The following MAGI1 variants were observed in gnomAD, a reference collection of about 807,000 sequenced individuals.
MAGI1 encodes membrane associated guanylate kinase, WW and PDZ domain containing 1.
In MAGI1, 58 loss-of-function variants were observed where a neutral mutation model predicts 139.9. The observed-to-expected ratio is 0.41, with a 90% CI of 0.34 to 0.52. MAGI1 has a LOEUF of 0.52. MAGI1 is among the 20% of genes least tolerant of loss of function. The pLI is 0.12. For missense variants in MAGI1, 1,874 were observed against 1,901.6 expected (o/e 0.99, Z 0.27); for synonymous variants, 812 against 737.9 (o/e 1.10, Z -1.63).
chr3:65,939,667 G>A (rs926391538), intron 1 of MAGI1, among the ~76,000 whole-genome samples: 3 of 152,162 alleles, frequency 2.0e-5, no homozygotes, highest in African/African-American at 4.8e-5. Context: ...CAGGCCCTCC[G>A]ATCTTCCCTG....
intron 1 of MAGI1, among the ~76,000 whole-genome samples, chr3:65,825,051 T>C (rs1463496658): frequency 6.6e-6 from 1 of 152,220 alleles, no homozygotes; most frequent in Non-Finnish European, 1.5e-5. Context: ...AAGAGTAACT[T>C]ATCTTCAAAA....
intron 1 of MAGI1, among the ~76,000 whole-genome samples, chr3:66,010,077 C>CCAA (rs1560107607): frequency 1.4e-5 from 1 of 69,780 alleles, no homozygotes; most frequent in African/African-American, 5.9e-5. Context: ...CTCTCTGTCT[C>CCAA]AAAAAAAAAA....
intron 1 of MAGI1, among the ~76,000 whole-genome samples, chr3:65,744,996 T>C (rs946889864): frequency 1.3e-5 from 2 of 152,046 alleles, no homozygotes; most frequent in South Asian, 4.2e-4. Context: ...ACCTCTAGTC[T>C]CCATCCTGTC....
At chr3:65,836,491 T>C (rs760611873) in intron 1 of MAGI1, among the ~76,000 whole-genome samples, 2 of 152,126 alleles carry the variant, frequency 1.3e-5, no homozygotes, top group African/African-American at 2.4e-5. Context: ...CAGATAGGTA[T>C]GACGAGACCA....
At chr3:65,795,738 G>C (rs1299314814) in intron 1 of MAGI1, among the ~76,000 whole-genome samples, 1 of 91,562 alleles carries the variant, frequency 1.1e-5, no homozygotes, top group Admixed American at 1.3e-4. Flanking sequence ...GAGAGAGAGA[G>C]AGAGATAGAG....
chr3:65,797,773 A>G (rs762684732), intron 1 of MAGI1, among the ~76,000 whole-genome samples: 10 of 152,220 alleles, frequency 6.6e-5, no homozygotes, highest in Non-Finnish European at 1.3e-4. Flanking sequence ...ACCAATATTA[A>G]TATTTAAGAA....
intron 17 of MAGI1, among the ~76,000 whole-genome samples, chr3:65,378,909 T>C (rs1575562778): frequency 6.6e-6 from 1 of 152,124 alleles, no homozygotes; most frequent in East Asian, 1.9e-4. Context: ...CTCAAACTCC[T>C]GACCTCAAGT....
chr3:65,737,030 G>T (rs949906495), intron 1 of MAGI1, among the ~76,000 whole-genome samples: 2 of 151,686 alleles, frequency 1.3e-5, no homozygotes, highest in Admixed American at 1.3e-4. Flanking sequence ...TTTTGAGACG[G>T]AGTCTCGCTC....
intron 13 of MAGI1, among the ~76,000 whole-genome samples, chr3:65,399,264 G>A (rs1434776149): frequency 6.6e-6 from 1 of 152,114 alleles, no homozygotes; most frequent in African/African-American, 2.4e-5. Flanking sequence ...AGGACATCCA[G>A]CTTCCCTGTG....
chr3:65,497,248 A>C (rs73832887), intron 2 of MAGI1, among the ~76,000 whole-genome samples: 1 of 152,184 alleles, frequency 6.6e-6, no homozygotes. Flanking sequence ...TTTAGGGGAA[A>C]AAAAGCCAAG....
intron 1 of MAGI1, among the ~76,000 whole-genome samples, chr3:65,668,001 C>T (rs1232584715): frequency 5.3e-5 from 8 of 152,062 alleles, no homozygotes; most frequent in African/African-American, 7.2e-5. Context: ...TTAATGAAAA[C>T]GTAAATTAGT....
chr3:65,817,450 G>A (rs906245547), intron 1 of MAGI1, among the ~76,000 whole-genome samples: 2 of 152,124 alleles, frequency 1.3e-5, no homozygotes, highest in Middle Eastern at 3.2e-3. Flanking sequence ...TTTATACGCA[G>A]TAATACTAAA....
rs1465050840 is a variant in MAGI1, at chr3:65,389,004, C to T, written c.2416+2138G>A. ...GACTACAGGCGCACGCCACCACACC[C>T]GGCTAATTTTTGTATTTTTTAGCAG... is the stretch of plus-strand genomic sequence containing the variant. On this transcript the variant is annotated intron_variant, in intron 14 of 22. Transcript: ENST00000402939. Among the ~76,000 whole-genome samples the T allele has an allele frequency of 3.3e-5, 5 of 151,860 alleles. No individual in the cohort carries two copies. In the East Asian group the frequency reaches 5.8e-4, roughly 18 times the overall value.
At chr3:65,878,492 G>T (rs1378131018) in intron 1 of MAGI1, among the ~76,000 whole-genome samples, 2 of 137,552 alleles carry the variant, frequency 1.5e-5, no homozygotes, top group Non-Finnish European at 3.0e-5. Flanking sequence ...CTCCAGCCTG[G>T]ACAACAGAGC....
chr3:65,967,105 C>A (rs1298670847), intron 1 of MAGI1, among the ~76,000 whole-genome samples: 2 of 152,148 alleles, frequency 1.3e-5, no homozygotes, highest in Non-Finnish European at 2.9e-5. Flanking sequence ...CCCAGACAGT[C>A]TGGCACCACA....
intron 12 of MAGI1, among the ~76,000 whole-genome samples, chr3:65,410,219 G>C (rs901041247): frequency 6.6e-6 from 1 of 152,200 alleles, no homozygotes; most frequent in African/African-American, 2.4e-5. Context: ...TGCTACTCTT[G>C]AAAACATGTG....
chr3:65,911,965 C>T (rs1277104599), intron 1 of MAGI1, among the ~76,000 whole-genome samples: 1 of 152,212 alleles, frequency 6.6e-6, no homozygotes, highest in Admixed American at 6.5e-5. Flanking sequence ...TGCCCAAGGG[C>T]ATTCACAGCT....
chr3:65,709,352 C>A (rs2030970958), intron 1 of MAGI1, among the ~76,000 whole-genome samples: 1 of 152,110 alleles, frequency 6.6e-6, no homozygotes, highest in Admixed American at 6.6e-5. Context: ...GATTACAGAG[C>A]CTTCAAAAGT....
At chr3:65,963,486 T>C (rs972270505) in intron 1 of MAGI1, among the ~76,000 whole-genome samples, 1 of 151,858 alleles carries the variant, frequency 6.6e-6, no homozygotes, top group Admixed American at 6.6e-5. Context: ...CATGGTGTCA[T>C]GCGCCTATAG....
Sources: allele counts gnomAD v4.1 joint callset (sites outside exome capture counted in the v4.1 genomes callset), GRCh38; gene constraint gnomAD v4.1.1; transcripts MANE v1.5; gene names NCBI Gene and HGNC (gene_info 2026-07-23, HGNC 2026-07-21).